The following PTPRN2 variants were observed in gnomAD, a reference collection of about 807,000 sequenced individuals.
PTPRN2 encodes receptor-type tyrosine-protein phosphatase N2.
A neutral mutation model predicts 118.8 loss-of-function variants in PTPRN2; 74 were observed. That is an observed-to-expected ratio of 0.62 (90% confidence interval 0.52 to 0.76). The LOEUF (loss-of-function observed/expected upper bound fraction) is 0.76. Ranked by LOEUF, PTPRN2 falls within the 30% of genes least tolerant of loss-of-function variation. The pLI is 0.00. For missense variants in PTPRN2, 1,481 were observed against 1,394.4 expected (o/e 1.06, Z -0.99); for synonymous variants, 641 against 608.0 (o/e 1.05, Z -0.80).
At chr7:158,263,173 C>T (rs1428345381) in intron 3 of PTPRN2, among the ~76,000 whole-genome samples, 1 of 152,000 alleles carries the variant, frequency 6.6e-6, no homozygotes, top group Non-Finnish European at 1.5e-5. Context: ...CATTCACACA[C>T]ACTGCACACA....
intron 2 of PTPRN2, among the ~76,000 whole-genome samples, chr7:158,404,655 A>T (rs1013843923): frequency 4.7e-5 from 7 of 149,924 alleles, no homozygotes; most frequent in African/African-American, 1.7e-4. Flanking sequence ...CCAGCTCCCC[A>T]GCCTCAGCTC....
At chr7:157,579,669 C>T (rs1305227327) in intron 17 of PTPRN2, among the ~76,000 whole-genome samples, 1 of 152,258 alleles carries the variant, frequency 6.6e-6, no homozygotes, top group Non-Finnish European at 1.5e-5. Context: ...GTCCGCCCTT[C>T]ATTATGGGGC....
intron 11 of PTPRN2, among the ~76,000 whole-genome samples, chr7:157,916,342 C>T (rs923665654): frequency 1.3e-5 from 2 of 152,190 alleles, no homozygotes; most frequent in Admixed American, 6.5e-5. Context: ...CGGCTGGAGC[C>T]TCTGGGAGGT....
chr7:158,494,495 G>T (rs1821686762), intron 1 of PTPRN2, among the ~76,000 whole-genome samples: 1 of 152,246 alleles, frequency 6.6e-6, no homozygotes, highest in African/African-American at 2.4e-5. Flanking sequence ...AAAGAGGGAG[G>T]AGGGGAGGTT....
intron 3 of PTPRN2, among the ~76,000 whole-genome samples, chr7:158,238,293 C>T (rs1795672030): frequency 6.6e-6 from 1 of 152,078 alleles, no homozygotes; most frequent in Admixed American, 6.5e-5. Flanking sequence ...CATCGCAGAT[C>T]AGGAAACCGT....
rs748139505 is a variant in PTPRN2 at position 157,595,291 on chromosome 7, C to T, written c.2443G>A (p.Ala815Thr). Residue 815 changes from alanine (A) to threonine (T), a missense_variant, in exon 17 of 23, where the codon GCG (alanine) becomes ACG (threonine). By Grantham distance (58) the Ala-to-Thr change is moderately conservative (BLOSUM62 0). This residue lies in a region of PTPRN2 where 362 missense variants were observed against 384.1 expected (regional missense o/e 0.94). Transcript: ENST00000389418. ...PIMDHDPRNPAYIATQGPLPA... is the reference protein window; with the variant it reads ...PIMDHDPRNPTYIATQGPLPA... ...AGCGGTCCCTGGGTGGCGATGTACG[C>T]GGGGTTCCTCGGGTCGTGATCCATC... 18 of 1,614,058 alleles carry T rather than the reference C, an allele frequency of 1.1e-5. No individual in the cohort carries two copies. The highest frequency in any genetic ancestry group is 6.7e-5 in the East Asian group (3 of 44,892).
intron 2 of PTPRN2, among the ~76,000 whole-genome samples, chr7:158,372,913 G>A (rs1810195859): frequency 6.6e-6 from 1 of 152,188 alleles, no homozygotes; most frequent in East Asian, 1.9e-4. Context: ...GGGCTGCTAA[G>A]ACTCCCCGAC....
chr7:157,960,224 G>A (rs1354765732), intron 11 of PTPRN2, among the ~76,000 whole-genome samples: 1 of 152,188 alleles, frequency 6.6e-6, no homozygotes, highest in Non-Finnish European at 1.5e-5. Flanking sequence ...TTCAGTTTGA[G>A]AAAATGAACA....
intron 11 of PTPRN2, among the ~76,000 whole-genome samples, chr7:157,902,035 C>G (rs1797491522): frequency 6.6e-6 from 1 of 152,140 alleles, no homozygotes. Context: ...TGCACACTTC[C>G]CCCAGCTGAA....
At chr7:158,483,281 C>T (rs1415139933) in intron 2 of PTPRN2, among the ~76,000 whole-genome samples, 1 of 152,188 alleles carries the variant, frequency 6.6e-6, no homozygotes, top group East Asian at 1.9e-4. Flanking sequence ...TTTTTCCCCA[C>T]TATGGTATAT....
At chr7:158,392,784 G>A (rs543488714) in intron 2 of PTPRN2, among the ~76,000 whole-genome samples, 7 of 152,278 alleles carry the variant, frequency 4.6e-5, no homozygotes, top group South Asian at 4.1e-4. Context: ...TATCCCCTGC[G>A]GACAGGACCA....
intron 2 of PTPRN2, among the ~76,000 whole-genome samples, chr7:158,321,159 AG>A (rs1802983896): frequency 6.6e-6 from 1 of 152,056 alleles, no homozygotes; most frequent in Non-Finnish European, 1.5e-5. Context: ...AGAGAACCAA[AG>A]CTCCCACCAG....
At chr7:158,352,032 GTCCGCTCCCCTCCTGACCGCTCC>G (rs1808007506) in intron 2 of PTPRN2, among the ~76,000 whole-genome samples, 3 of 124,248 alleles carry the variant, frequency 2.4e-5, no homozygotes, top group African/African-American at 9.1e-5. Context: ...CTCCCCTCCT[GTCCGCTCCCCTCCTGACCGCTCC>G]CCTCCTGTCC....
intron 13 of PTPRN2, chr7:157,669,534 A>G (rs772106392): frequency 4.1e-6 from 2 of 490,782 alleles, no homozygotes; most frequent in Non-Finnish European, 8.1e-6. Context: ...ACACCCAGTC[A>G]GGGGCTGTAA....
chr7:158,532,987 C>A (rs113721796), intron 1 of PTPRN2, among the ~76,000 whole-genome samples: 1,970 of 152,288 alleles, frequency 0.013, 39 homozygotes, highest in African/African-American at 0.044. Flanking sequence ...AAAGGATTAA[C>A]TTAAAGCAAA....
rs11973051 is a variant in PTPRN2, at chr7:157,639,118, C to T, written c.2196+17239G>A. Among the ~76,000 whole-genome samples, 130 of 151,060 alleles carry T rather than the reference C, an allele frequency of 8.6e-4. 2 individuals carry two copies. Among genetic ancestry groups the T allele is most frequent in the African/African-American group, 3.0e-3 (125 of 41,094 alleles). Reference sequence around the variant, plus strand: ...GTGGTGTGATCTCGGCTCACTGCAACCTCTGCCTCCTGGGTTCAAGTGATT... The same window carrying T: ...GTGGTGTGATCTCGGCTCACTGCAATCTCTGCCTCCTGGGTTCAAGTGATT... On this transcript the variant is annotated intron_variant, in intron 14 of 22. Transcript: ENST00000389418.
intron 12 of PTPRN2, among the ~76,000 whole-genome samples, chr7:157,691,651 C>G (rs1002044264): frequency 2.1e-4 from 32 of 152,212 alleles, no homozygotes; most frequent in African/African-American, 7.5e-4. Flanking sequence ...AAAACCCAGG[C>G]GTGCGAGCTG....
chr7:157,753,147 G>C (rs1801580128), intron 12 of PTPRN2, among the ~76,000 whole-genome samples: 1 of 152,230 alleles, frequency 6.6e-6, no homozygotes, highest in Non-Finnish European at 1.5e-5. Context: ...TTATGTCTCT[G>C]CTCAAATCCT....
At chr7:158,106,313 C>T (rs1171703825) in intron 10 of PTPRN2, among the ~76,000 whole-genome samples, 1 of 152,118 alleles carries the variant, frequency 6.6e-6, no homozygotes, top group Non-Finnish European at 1.5e-5. Context: ...AGTGGCATCT[C>T]CAGCTCCTTT....
Sources: gnomAD v4.1 joint callset for allele counts (sites outside exome capture counted in the v4.1 genomes callset) on GRCh38, gnomAD v4.1.1 for gene constraint, gnomAD v4.1.1 regional missense constraint, MANE v1.5 for transcripts, NCBI Gene and HGNC (gene_info 2026-07-23, HGNC 2026-07-21) for gene names.